Variants in FNDC3B observed in about 807,000 individuals in gnomAD.
FNDC3B encodes the protein fibronectin type III domain-containing protein 3B.
A neutral mutation model predicts 151.5 loss-of-function variants in FNDC3B; 12 were observed. That is an observed-to-expected ratio of 0.08 (90% CI 0.05 to 0.13). The LOEUF (loss-of-function observed/expected upper bound fraction) is 0.13, where lower values mean the gene tolerates loss of function less well. FNDC3B is among the 10% of genes least tolerant of loss of function. The probability of loss-of-function intolerance (pLI) is 1.00; values close to 1 mark genes in which losing one functional copy is unlikely to be tolerated. For missense variants in FNDC3B, 1,214 were observed against 1,505.3 expected (o/e 0.81, Z 3.20); for synonymous variants, 528 against 549.0 (o/e 0.96, Z 0.54).
chr3:172,114,805 A>T (rs530098817), intron 2 of FNDC3B, among the ~76,000 whole-genome samples: 1 of 152,352 alleles, frequency 6.6e-6, no homozygotes, highest in South Asian at 2.1e-4. Context: ...TAATAAGAAG[A>T]ATCTGTTAAT....
intron 23 of FNDC3B, among the ~76,000 whole-genome samples, chr3:172,364,766 C>A (rs1357307943): frequency 6.6e-6 from 1 of 152,160 alleles, no homozygotes; most frequent in Admixed American, 6.5e-5. Flanking sequence ...TTTCTTCCCC[C>A]CTCAAAAAGC....
At chr3:172,357,830 C>T (rs562551417) in intron 22 of FNDC3B, among the ~76,000 whole-genome samples, 6 of 152,024 alleles carry the variant, frequency 3.9e-5, no homozygotes, top group African/African-American at 1.2e-4. Flanking sequence ...CACGTATTTT[C>T]GCTGAAACAA....
intron 2 of FNDC3B, among the ~76,000 whole-genome samples, chr3:172,123,430 A>T (rs899330529): frequency 2.6e-5 from 4 of 151,512 alleles, no homozygotes; most frequent in African/African-American, 9.7e-5. Context: ...CTTGTCACCC[A>T]GGCTGGAATA....
At chr3:172,133,025 T>C (rs1721181589) in intron 2 of FNDC3B, among the ~76,000 whole-genome samples, 1 of 152,204 alleles carries the variant, frequency 6.6e-6, no homozygotes, top group Non-Finnish European at 1.5e-5. Context: ...TGTAAATATT[T>C]TTTGTTGTCA....
chr3:172,300,228 CAAACCAGAAAATGTA>C (rs1172763009), intron 9 of FNDC3B, among the ~76,000 whole-genome samples: 28 of 152,260 alleles, frequency 1.8e-4, no homozygotes, highest in African/African-American at 3.9e-4. Flanking sequence ...AATTTAACAA[CAAACCAGAAAATGTA>C]AAACCAGAAA....
intron 3 of FNDC3B, among the ~76,000 whole-genome samples, chr3:172,163,726 T>A (rs1722886840): frequency 6.6e-6 from 1 of 152,226 alleles, no homozygotes; most frequent in Non-Finnish European, 1.5e-5. Context: ...ACCTTTAGGT[T>A]GGTTCTGATA....
chr3:172,326,708 C>T (rs1732364727), intron 11 of FNDC3B, among the ~76,000 whole-genome samples: 4 of 152,144 alleles, frequency 2.6e-5, no homozygotes. Flanking sequence ...TCTTAAAAGT[C>T]ATTTCTCCCC....
chr3:172,077,239 C>T (rs1718057469), intron 1 of FNDC3B, among the ~76,000 whole-genome samples: 1 of 152,104 alleles, frequency 6.6e-6, no homozygotes, highest in African/African-American at 2.4e-5. Context: ...GGTGAAACTG[C>T]AGTTTATTTA....
At chr3:172,116,118 G>A (rs1166264148) in intron 2 of FNDC3B, among the ~76,000 whole-genome samples, 1 of 152,194 alleles carries the variant, frequency 6.6e-6, no homozygotes, top group African/African-American at 2.4e-5. Context: ...GAAAGGGCAA[G>A]AGTGAAAAGG....
Position 172,269,981 on chromosome 3 carries a change from A to G in FNDC3B, c.791-15945A>G, listed in dbSNP as rs187423637. ...GCTTTTTTATAGGACATTTCATCAA[A>G]TACATATTCTTAGTCACTTGAGTGG... On this transcript the variant is annotated intron_variant, in intron 6 of 25. Transcript: ENST00000415807. Among the ~76,000 whole-genome samples, 37 of 152,314 alleles carry G rather than the reference A, an allele frequency of 2.4e-4. No individual in the cohort carries two copies. The East Asian group carries it at 5.8e-3, about 24-fold the overall frequency.
At chr3:172,135,639 A>G (rs1721321322) in intron 3 of FNDC3B, among the ~76,000 whole-genome samples, 1 of 152,108 alleles carries the variant, frequency 6.6e-6, no homozygotes, top group African/African-American at 2.4e-5. Context: ...ACAGGATGGA[A>G]TGAGGACTAG....
In FNDC3B at chr3:172,214,330, A is replaced by G. The variant is rs144229592; in HGVS notation, c.188-12541A>G. Among the ~76,000 whole-genome samples, 426 of 152,336 alleles carry G rather than the reference A, an allele frequency of 2.8e-3. 2 individuals are homozygous for G. Among genetic ancestry groups the G allele is most frequent in the African/African-American group, 9.5e-3 (397 of 41,582 alleles). The stretch of plus-strand genomic sequence containing the variant: ...TAGGTAAGGCAGAGACTGGAACTAT[A>G]TACATCAAACTAATCATCTCACAGC... On this transcript the variant is annotated intron_variant, in intron 3 of 25. Transcript: ENST00000415807.
At position 172,112,597 on chromosome 3, in the gene FNDC3B, G is replaced by A; in HGVS notation, c.111+7G>A. The A allele has an allele frequency of 6.3e-7, 1 of 1,582,876 alleles. No homozygotes were observed. Among genetic ancestry groups the A allele is most frequent in the Non-Finnish European group, 8.7e-7 (1 of 1,151,532 alleles). Reference sequence around the variant, plus strand: ...TGGAGATGCAGCTCAGCAGGTTGGTGTAGGAAGAGGGAAATTTAAGTCAAA... The same window carrying A: ...TGGAGATGCAGCTCAGCAGGTTGGTATAGGAAGAGGGAAATTTAAGTCAAA... On this transcript the variant is annotated splice_region_variant and intron_variant, in intron 2 of 25. Transcript: ENST00000415807.
At chr3:172,228,142 T>C (rs754944878) in intron 4 of FNDC3B, among the ~76,000 whole-genome samples, 43 of 152,238 alleles carry the variant, frequency 2.8e-4, no homozygotes, top group Non-Finnish European at 5.1e-4. Flanking sequence ...CCAGTTTTCC[T>C]GCTGTTGCAA....
chr3:172,279,882 GCAA>G lies in FNDC3B; in HGVS notation c.791-6043_791-6041del, dbSNP rs1362537124. Among the ~76,000 whole-genome samples, 28 of 152,024 alleles carry G rather than the reference GCAA, an allele frequency of 1.8e-4. 1 individual carries two copies. The highest frequency in any genetic ancestry group is 1.4e-3 in the Admixed American group (22 of 15,286). On this transcript the variant is annotated intron_variant, in intron 6 of 25. Transcript: ENST00000415807. ...CAATATTCTTTTTCTGAGTAGAAAA[GCAA>G]TTCAACACATATTCGTTGTTGTTGT...
At chr3:172,079,278 T>C (rs985350803) in intron 1 of FNDC3B, among the ~76,000 whole-genome samples, 2 of 152,188 alleles carry the variant, frequency 1.3e-5, no homozygotes, top group African/African-American at 4.8e-5. Context: ...AAAAAATAAA[T>C]GTGTATTAAG....
At chr3:172,196,958 G>A (rs151233356) in intron 3 of FNDC3B, among the ~76,000 whole-genome samples, 2,513 of 152,194 alleles carry the variant, frequency 0.017, 31 homozygotes, top group Middle Eastern at 0.048. Flanking sequence ...TGAGGCGGAC[G>A]GATCATGAGG....
At chr3:172,269,392 G>A (rs1729076869) in intron 6 of FNDC3B, among the ~76,000 whole-genome samples, 2 of 152,016 alleles carry the variant, frequency 1.3e-5, no homozygotes, top group Admixed American at 1.3e-4. Context: ...CTGAATAGCT[G>A]GGACCACAGG....
chr3:172,334,444 T>C (rs1732847650), intron 14 of FNDC3B, among the ~76,000 whole-genome samples: 1 of 152,118 alleles, frequency 6.6e-6, no homozygotes, highest in Admixed American at 6.5e-5. Flanking sequence ...ATTTTATTTT[T>C]ATTTATTTAT....
Sources: gnomAD v4.1 joint callset for allele counts (sites outside exome capture counted in the v4.1 genomes callset) on GRCh38, gnomAD v4.1.1 for gene constraint, MANE v1.5 for transcripts, NCBI Gene and HGNC (gene_info 2026-07-23, HGNC 2026-07-21) for gene names.